The following MAP3K13 variants were observed in gnomAD, a reference collection of about 807,000 sequenced individuals.
MAP3K13 encodes mitogen-activated protein kinase kinase kinase 13, also known as leucine zipper-bearing kinase.
In MAP3K13, 52 loss-of-function variants were observed where a neutral mutation model predicts 104.0. That is an observed-to-expected ratio of 0.50 (90% CI 0.40 to 0.63). The LOEUF (loss-of-function observed/expected upper bound fraction) is 0.63, where lower values mean the gene tolerates loss of function less well. MAP3K13 is among the 20% of genes least tolerant of loss of function. The pLI is 0.00. For missense variants in MAP3K13, 914 were observed against 1,218.5 expected, an observed-to-expected ratio of 0.75 and a Z score of 3.72; for synonymous variants, 394 against 442.2, an observed-to-expected ratio of 0.89 and a Z score of 1.37.
chr3:185,469,631 G>A (rs921051580), intron 10 of MAP3K13, among the ~76,000 whole-genome samples: 7 of 152,154 alleles, frequency 4.6e-5, no homozygotes, highest in African/African-American at 1.7e-4. Context: ...TACTTTTCCT[G>A]TAAACGAAGA....
chr3:185,367,257 T>C (rs1723932641), intron 1 of MAP3K13, among the ~76,000 whole-genome samples: 1 of 152,178 alleles, frequency 6.6e-6, no homozygotes, highest in Non-Finnish European at 1.5e-5. Flanking sequence ...TGCTTCCACC[T>C]CCAGAGATTT....
At chr3:185,379,080 G>T (rs1209049539) in intron 1 of MAP3K13, among the ~76,000 whole-genome samples, 2 of 152,166 alleles carry the variant, frequency 1.3e-5, no homozygotes, top group African/African-American at 4.8e-5. Context: ...AAGGGGGCGG[G>T]CAGCAGCCCC....
chr3:185,415,389 C>T (rs141270680), intron 1 of MAP3K13, among the ~76,000 whole-genome samples: 1 of 151,824 alleles, frequency 6.6e-6, no homozygotes, highest in African/African-American at 2.4e-5. Flanking sequence ...AACTCCTGGG[C>T]TCAAGTGATC....
intron 1 of MAP3K13, among the ~76,000 whole-genome samples, chr3:185,389,678 A>C (rs1711920157): frequency 6.6e-6 from 1 of 151,994 alleles, no homozygotes; most frequent in Non-Finnish European, 1.5e-5. Flanking sequence ...GCAATTCTCA[A>C]ACTTTTTGGT....
At chr3:185,403,268 G>A (rs1560088154) in intron 1 of MAP3K13, among the ~76,000 whole-genome samples, 1 of 152,180 alleles carries the variant, frequency 6.6e-6, no homozygotes, top group Non-Finnish European at 1.5e-5. Flanking sequence ...ACCCCACTCT[G>A]AACCAACATA....
At chr3:185,343,578 G>T (rs1000540795) in intron 2 of MAP3K13, among the ~76,000 whole-genome samples, 1 of 151,968 alleles carries the variant, frequency 6.6e-6, no homozygotes, top group African/African-American at 2.4e-5. Context: ...TCAGCCTCCC[G>T]AATAGCTGGG....
At chr3:185,456,592 T>G (rs923953375) in intron 7 of MAP3K13, among the ~76,000 whole-genome samples, 3 of 138,564 alleles carry the variant, frequency 2.2e-5, no homozygotes, top group Non-Finnish European at 3.1e-5. Context: ...CAGCTTTGCT[T>G]CTCCTTTTTT....
intron 1 of MAP3K13, among the ~76,000 whole-genome samples, chr3:185,419,062 G>A (rs1713974986): frequency 6.6e-6 from 1 of 151,396 alleles, no homozygotes; most frequent in African/African-American, 2.4e-5. Context: ...TGTCACCCAG[G>A]CTGGAGTGCA....
At chr3:185,297,216 T>C (rs1211173602) in intron 2 of MAP3K13, among the ~76,000 whole-genome samples, 1 of 152,248 alleles carries the variant, frequency 6.6e-6, no homozygotes, top group Non-Finnish European at 1.5e-5. Context: ...ACAAAGGCTC[T>C]GCTACATTTG....
chr3:185,419,299 G>A (rs1162197129), intron 1 of MAP3K13, among the ~76,000 whole-genome samples: 2 of 152,204 alleles, frequency 1.3e-5, no homozygotes, highest in African/African-American at 4.8e-5. Context: ...AGCACATCCG[G>A]CCTATAGTTC....
chr3:185,336,922 CTG>C (rs1722527150), intron 2 of MAP3K13, among the ~76,000 whole-genome samples: 1 of 152,248 alleles, frequency 6.6e-6, no homozygotes, highest in African/African-American at 2.4e-5. Context: ...AATCATCTGT[CTG>C]TGTCTCAGCT....
intron 3 of MAP3K13, among the ~76,000 whole-genome samples, chr3:185,440,704 C>T (rs1386061520): frequency 6.6e-6 from 1 of 152,170 alleles, no homozygotes; most frequent in Non-Finnish European, 1.5e-5. Context: ...ATAAGATCAT[C>T]ATCACCTTCA....
chr3:185,418,778 T>A lies in MAP3K13; in HGVS notation c.-85-9719T>A, dbSNP rs113401904. The A allele has an allele frequency of 1.6e-5, 26 of 1,600,082 alleles. No individual in the cohort carries two copies. The highest frequency in any genetic ancestry group is 2.1e-5 in the Non-Finnish European group (25 of 1,169,878). On this transcript the variant is annotated intron_variant, in intron 1 of 13. Coordinates refer to ENST00000265026, the MANE Select transcript of MAP3K13 (RefSeq NM_004721.5). The surrounding 1 kb of genome is among the most constrained non-coding windows in gnomAD (Gnocchi z 4.5). ...GATATCATTGGGCGAGCACACGCCA[T>A]GGCGGAGAGAGGAGACAGCCACGCT...
intron 2 of MAP3K13, among the ~76,000 whole-genome samples, chr3:185,286,495 T>TA (rs774819173): frequency 8.9e-4 from 128 of 143,172 alleles, no homozygotes; most frequent in Non-Finnish European, 8.3e-4. Context: ...TGTTTGAAAT[T>TA]AAAAAAAAAA....
rs1400079602 is a variant in MAP3K13, at chr3:185,300,789, G to A, written c.-86+15146G>A. Among the ~76,000 whole-genome samples, 3 of 152,294 alleles carry A rather than the reference G, an allele frequency of 2.0e-5. No individual in the cohort carries two copies. In the East Asian group the frequency reaches 5.8e-4, roughly 29 times the overall value. On this transcript the variant is annotated intron_variant, in intron 2 of 14. Transcript: ENST00000424227. ...TTACAGACATGAGCCACCACGCCTG[G>A]CCTACCTTCTTTTTTAAGGCTGAAT...
chr3:185,483,132 G>A lies in MAP3K13; in HGVS notation c.*676G>A, dbSNP rs1718557894. The A allele has an allele frequency of 4.3e-6, 1 of 233,076 alleles. No homozygotes were observed. Among genetic ancestry groups the A allele is most frequent in the South Asian group, 1.8e-4 (1 of 5,534 alleles). 14.4% of individuals were successfully genotyped at this position (233,076 alleles called of 1,614,324 possible). On this transcript the variant is annotated 3_prime_UTR_variant, in exon 14 of 14. Transcript: ENST00000265026. ...TTGCACCCAATGTCTTCAAGGGCAT[G>A]TGCTTCCTCTAGGAGGGAAAAACAG...
rs894871644 is a variant in MAP3K13 at position 185,417,921 on chromosome 3, A to G, written c.-85-10576A>G. 17 of 1,604,286 alleles carry G rather than the reference A, an allele frequency of 1.1e-5. No individual in the cohort carries two copies. In the African/African-American group the frequency reaches 1.7e-4, roughly 16 times the overall value. On this transcript the variant is annotated intron_variant, in intron 1 of 13. Transcript: ENST00000265026. ...TTTTCAAGATTCTGCTAAGATCTGT[A>G]TTAATCAACTTGTGCATGGGAAGAT...
intron 1 of MAP3K13, among the ~76,000 whole-genome samples, chr3:185,378,083 G>A (rs1418661328): frequency 6.6e-6 from 1 of 152,192 alleles, no homozygotes; most frequent in Non-Finnish European, 1.5e-5. Flanking sequence ...GATGTGGCTG[G>A]GGTTTGTCTC....
Position 185,429,115 on chromosome 3 carries a change from C to T in MAP3K13, c.475+59C>T, listed in dbSNP as rs577908013. Reference sequence around the variant, plus strand: ...TGTGTAAACACACCATCACCACCACCGTCACCACCATTAGCTGGATAACCT... The same window carrying T: ...TGTGTAAACACACCATCACCACCACTGTCACCACCATTAGCTGGATAACCT... On this transcript the variant is annotated intron_variant, in intron 2 of 13. Coordinates refer to ENST00000265026, the MANE Select transcript of MAP3K13 (RefSeq NM_004721.5). The T allele has an allele frequency of 1.1e-5, 17 of 1,485,278 alleles. No homozygotes were observed. In the African/African-American group the frequency reaches 1.8e-4, roughly 16 times the overall value. The allele number at this position is 1,485,278 out of a possible 1,614,324, so 92.0% of individuals were successfully genotyped here. A position where few individuals can be genotyped will look rare whatever the true frequency, so the allele number is the denominator to read the frequency against.
Sources: gnomAD v4.1 joint callset for allele counts (sites outside exome capture counted in the v4.1 genomes callset) on GRCh38, gnomAD v4.1.1 for gene constraint, Gnocchi (gnomAD v3.1) non-coding constraint, MANE v1.5 for transcripts, NCBI Gene and HGNC (gene_info 2026-07-23, HGNC 2026-07-21) for gene names.